The following ESR1 variants were observed in gnomAD, a reference collection of about 807,000 sequenced individuals.
ESR1 encodes the protein estrogen receptor 1.
Under a neutral mutation model 52.7 loss-of-function variants are expected in ESR1, and 12 were observed. That is an observed-to-expected ratio of 0.23 (90% CI 0.15 to 0.37). ESR1 has a LOEUF of 0.37. Ranked by LOEUF, ESR1 falls within the 10% of genes least tolerant of loss-of-function variation. The pLI, the probability that ESR1 is intolerant of heterozygous loss-of-function variation, is 1.00. For synonymous variants in ESR1, 305 were observed against 316.8 expected (o/e 0.96, Z 0.39); for missense variants, 584 against 779.7 (o/e 0.75, Z 2.99).
intron 6 of ESR1, chr6:152,122,508 A>G: frequency 6.2e-7 from 1 of 1,614,182 alleles, no homozygotes. Flanking sequence ...TGGAGAGGGC[A>G]CAGCTGTAGT....
In ESR1 at chr6:151,819,663, T is replaced by G. The variant is rs1381067475; in HGVS notation, c.452+11299T>G. Among the ~76,000 whole-genome samples the G allele has an allele frequency of 3.7e-4, 57 of 152,162 alleles. 1 individual carries two copies. The highest frequency in any genetic ancestry group is 3.7e-3 in the Admixed American group (57 of 15,280). ...AAACAAGTTCAGGGCTCTCACTGAA[T>G]CTACATTATGGTGAGTTGCATAATT... On this transcript the variant is annotated intron_variant, in intron 1 of 7. Transcript: ENST00000206249.
At chr6:151,934,126 C>T (rs1041948197) in intron 3 of ESR1, among the ~76,000 whole-genome samples, 4 of 152,186 alleles carry the variant, frequency 2.6e-5, no homozygotes, top group African/African-American at 9.7e-5. Context: ...GCTGTGACCT[C>T]TCTGGTCTTT....
chr6:151,866,558 A>G (rs1190857924), intron 2 of ESR1, among the ~76,000 whole-genome samples: 1 of 151,496 alleles, frequency 6.6e-6, no homozygotes, highest in African/African-American at 2.4e-5. Context: ...GCTCCCACTT[A>G]TGAGCGAGAA....
upstream of ESR1, among the ~76,000 whole-genome samples, chr6:151,803,740 G>A (rs1777500475): frequency 6.6e-6 from 1 of 152,170 alleles, no homozygotes; most frequent in Non-Finnish European, 1.5e-5. Context: ...TGGAAAAAGA[G>A]AGATTGTAAA....
At chr6:152,031,200 T>C (rs1265487744) in intron 5 of ESR1, among the ~76,000 whole-genome samples, 1 of 152,124 alleles carries the variant, frequency 6.6e-6, no homozygotes, top group Non-Finnish European at 1.5e-5. Context: ...AGATCTAAAA[T>C]TGACACCCTA....
Position 152,001,863 on chromosome 6 carries a change from G to A in ESR1, c.1097-9793G>A, listed in dbSNP as rs113491025. On this transcript the variant is annotated intron_variant, in intron 4 of 7. Transcript: ENST00000206249. ...GATAGGGAACTATAGAAAGACTGGA[G>A]GGAAGGGAGAAGTCTTTTCTGAATT... is the stretch of plus-strand genomic sequence containing the variant. Among the ~76,000 whole-genome samples, 52 of 152,090 alleles carry A rather than the reference G, an allele frequency of 3.4e-4. 1 individual carries two copies. Among genetic ancestry groups the A allele is most frequent in the African/African-American group, 1.2e-3 (50 of 41,538 alleles).
Position 151,720,995 on chromosome 6 carries a change from A to G in ESR1, c.-71+18990A>G, listed in dbSNP as rs933515591. 1.1e-4 allele frequency among the ~76,000 whole-genome samples: 16 copies of G among 152,252 alleles called. No individual in the cohort carries two copies. In the South Asian group the frequency reaches 1.9e-3, roughly 18 times the overall value. ...GAGAATATGTAAACATCAACACAACATATCTCCTAGTATGGGCTTACAGTA... is the reference window on the plus strand; with the variant it reads ...GAGAATATGTAAACATCAACACAACGTATCTCCTAGTATGGGCTTACAGTA... On this transcript the variant is annotated intron_variant, in intron 2 of 2. Coordinates refer to the ESR1 transcript ENST00000404742.
chr6:151,879,148 C>CGGGA, intron 2 of ESR1, among the ~76,000 whole-genome samples: 1 of 152,104 alleles, frequency 6.6e-6, no homozygotes, highest in Admixed American at 6.5e-5. Context: ...TAAACAATAC[C>CGGGA]GGGAGGCTGC....
At position 152,103,003 on chromosome 6, in the gene ESR1, A is replaced by G. The variant is rs142746011; in HGVS notation, c.*4037A>G. ...TTCTGTTCTCTCACAGGTGATAAAC[A>G]ATGCTTTTTGTGCACTACATACTCT... On this transcript the variant is annotated 3_prime_UTR_variant, in exon 8 of 8. Coordinates refer to ENST00000206249, the MANE Select transcript of ESR1 (RefSeq NM_000125.4). 8.7e-4 allele frequency: 194 copies of G among 222,172 alleles called. No individual in the cohort carries two copies. The highest frequency in any genetic ancestry group is 2.0e-3 in the Admixed American group (35 of 17,396). The allele number at this position is 222,172 out of a possible 1,614,324, so 13.8% of individuals were successfully genotyped here.
chr6:151,687,944 G>A (rs989086966), upstream of ESR1, among the ~76,000 whole-genome samples: 2 of 152,030 alleles, frequency 1.3e-5, no homozygotes, highest in Non-Finnish European at 2.9e-5. Flanking sequence ...TTATACTTAC[G>A]AGATTAAATT....
chr6:151,872,114 G>A (rs1791076196), intron 2 of ESR1, among the ~76,000 whole-genome samples: 1 of 152,154 alleles, frequency 6.6e-6, no homozygotes, highest in Non-Finnish European at 1.5e-5. Context: ...GGAATTGTTG[G>A]AAGTGGAATT....
intron 4 of ESR1, among the ~76,000 whole-genome samples, chr6:151,964,947 T>A (rs2038109531): frequency 1.3e-5 from 2 of 152,146 alleles, no homozygotes; most frequent in African/African-American, 4.8e-5. Flanking sequence ...CGGCCCCTAT[T>A]TTCTTAATCA....
chr6:151,800,255 C>A (rs1562416237), upstream of ESR1, among the ~76,000 whole-genome samples: 1 of 151,980 alleles, frequency 6.6e-6, no homozygotes, highest in Non-Finnish European at 1.5e-5. Flanking sequence ...GGGCTGAATC[C>A]TGGGGTACCC....
intron 2 of ESR1, among the ~76,000 whole-genome samples, chr6:151,875,149 C>T (rs1018451423): frequency 1.3e-5 from 2 of 152,198 alleles, no homozygotes; most frequent in Admixed American, 6.5e-5. Flanking sequence ...ATGAGCAATG[C>T]GTGGCTTCAT....
chr6:151,799,181 AAAG>A (rs1444216731), intron 2 of ESR1, among the ~76,000 whole-genome samples: 1 of 152,226 alleles, frequency 6.6e-6, no homozygotes, highest in Non-Finnish European at 1.5e-5. Flanking sequence ...GGTGGGATAG[AAAG>A]AAGGAGGCAC....
intron 6 of ESR1, among the ~76,000 whole-genome samples, chr6:152,081,243 A>G (rs962711248): frequency 6.6e-6 from 1 of 152,172 alleles, no homozygotes; most frequent in African/African-American, 2.4e-5. Context: ...CTCCTCAGCA[A>G]ATGTAAAAGA....
chr6:152,089,180 A>C (rs1226216137), intron 6 of ESR1, among the ~76,000 whole-genome samples: 1 of 152,240 alleles, frequency 6.6e-6, no homozygotes, highest in Non-Finnish European at 1.5e-5. Flanking sequence ...AACAGATACA[A>C]ACCTCAAAAT....
chr6:151,984,512 T>A (rs2040272686), intron 4 of ESR1, among the ~76,000 whole-genome samples: 1 of 152,152 alleles, frequency 6.6e-6, no homozygotes, highest in Non-Finnish European at 1.5e-5. Flanking sequence ...GCAGAACTTT[T>A]TACACACAAT....
chr6:151,901,510 G>A (rs1354343532), intron 3 of ESR1, among the ~76,000 whole-genome samples: 3 of 152,116 alleles, frequency 2.0e-5, no homozygotes, highest in Non-Finnish European at 4.4e-5. Flanking sequence ...TTTCCTTCTC[G>A]CTGTGGTCTT....
Sources: allele counts gnomAD v4.1 joint callset (sites outside exome capture counted in the v4.1 genomes callset), GRCh38; gene constraint gnomAD v4.1.1; transcripts MANE v1.5; gene names NCBI Gene and HGNC (gene_info 2026-07-23, HGNC 2026-07-21).